Variants in NUP107 observed in about 807,000 individuals in gnomAD.
The protein encoded by NUP107 is nuclear pore complex protein Nup107.
A neutral mutation model predicts 141.0 loss-of-function variants in NUP107; 101 were observed. That is an observed-to-expected ratio of 0.72 (90% CI 0.61 to 0.84). The LOEUF is 0.84. Among genes scored for constraint, NUP107 ranks in the 40% least tolerant of loss-of-function variants. The pLI, the probability that NUP107 is intolerant of heterozygous loss-of-function variation, is 0.00. For synonymous variants in NUP107, 319 were observed against 363.9 expected, an observed-to-expected ratio of 0.88 and a Z score of 1.41; for missense variants, 941 against 1,102.7, an observed-to-expected ratio of 0.85 and a Z score of 2.08.
chr12:68,713,920 C>A, intron 11 of NUP107, 112 bp downstream of exon 11: 1 of 726,852 alleles, frequency 1.4e-6, no homozygotes, highest in Non-Finnish European at 2.3e-6. Flanking sequence ...TTTGCACACA[C>A]TAACATTTTA....
chr12:68,732,468 AT>A, intron 22 of NUP107, 168 bp from the exon 23 acceptor site: 1 of 489,770 alleles, frequency 2.0e-6, no homozygotes. Context: ...GAGCTGTTAA[AT>A]ATGAAAATAC....
At chr12:68,742,324 T>C (rs1399055171) in intron 27 of NUP107, 31 bp from the exon 28 acceptor site, 1 of 1,386,396 alleles carries the variant, frequency 7.2e-7, no homozygotes, top group Non-Finnish European at 1.0e-6. Flanking sequence ...TTGTCTTTGT[T>C]CTCATTCTTA....
intron 26 of NUP107, among the ~76,000 whole-genome samples, chr12:68,737,410 C>CA (rs1415648660): frequency 1.3e-5 from 2 of 151,586 alleles, no homozygotes; most frequent in African/African-American, 4.8e-5. Context: ...ACTAAAAATA[C>CA]AAAAAAATTA....
intron 14 of NUP107, 74 bp downstream of exon 14, chr12:68,719,728 A>G: frequency 1.9e-6 from 2 of 1,058,088 alleles, no homozygotes; most frequent in Non-Finnish European, 1.5e-6. Context: ...GGGCTGTGAA[A>G]CATTGAAAGT....
At chr12:68,739,053 C>T (rs1381335097) in intron 26 of NUP107, among the ~76,000 whole-genome samples, 1 of 151,934 alleles carries the variant, frequency 6.6e-6, no homozygotes, top group African/African-American at 2.4e-5. Flanking sequence ...TTCATTGGTT[C>T]CCCTCTGCCT....
chr12:68,735,624 T>A (rs1417759058), intron 26 of NUP107, among the ~76,000 whole-genome samples: 1 of 152,208 alleles, frequency 6.6e-6, no homozygotes, highest in Admixed American at 6.5e-5. Flanking sequence ...TGTATGTCAC[T>A]CCATTTACAG....
intron 8 of NUP107, among the ~76,000 whole-genome samples, chr12:68,703,643 G>A (rs1876442579): frequency 6.6e-6 from 1 of 152,144 alleles, no homozygotes; most frequent in South Asian, 2.1e-4. Context: ...TAAAGATAGG[G>A]TTTCACTGTA....
At chr12:68,704,750 T>C (rs1876497336) in intron 8 of NUP107, among the ~76,000 whole-genome samples, 1 of 152,072 alleles carries the variant, frequency 6.6e-6, no homozygotes, top group East Asian at 1.9e-4. Context: ...CCACCGTGCC[T>C]CGCCCAAAAG....
chr12:68,719,750 G>C, intron 14 of NUP107, 96 bp downstream of exon 14: 1 of 851,762 alleles, frequency 1.2e-6, no homozygotes, highest in South Asian at 1.5e-5. Flanking sequence ...GTGTAAAACT[G>C]GTTTTCAGAG....
chr12:68,731,472 A>G, intron 21 of NUP107, 135 bp from the exon 22 acceptor site: 1 of 624,320 alleles, frequency 1.6e-6, no homozygotes, highest in Non-Finnish European at 2.6e-6. Context: ...TCTTTTATAT[A>G]AATATCTTTC....
At chr12:68,700,504 G>A (rs990550959) in intron 6 of NUP107, among the ~76,000 whole-genome samples, 2 of 152,072 alleles carry the variant, frequency 1.3e-5, no homozygotes, top group Non-Finnish European at 2.9e-5. Flanking sequence ...GAGTATGTTA[G>A]ACTTATATAT....
intron 11 of NUP107, 93 bp downstream of exon 11, chr12:68,713,901 T>C (rs897612581): frequency 2.8e-5 from 27 of 956,132 alleles, no homozygotes; most frequent in Admixed American, 2.8e-4. Context: ...TGTTTTGCTC[T>C]TCTAAAGGTT....
chr12:68,705,559 C>A, intron 8 of NUP107: 1 of 256,708 alleles, frequency 3.9e-6, no homozygotes. Flanking sequence ...AAAAGAATCA[C>A]CAAGAAGCAG....
intron 24 of NUP107, 21 bp downstream of exon 24, chr12:68,733,633 A>G: frequency 1.9e-6 from 3 of 1,590,978 alleles, no homozygotes; most frequent in Non-Finnish European, 1.7e-6. Context: ...AAAGAAAGCC[A>G]CAGATGTGCC....
In NUP107 at chr12:68,715,690, A is replaced by C. The variant is rs2136025491; in HGVS notation, c.1033A>C (p.Arg345=). The C allele has an allele frequency of 6.2e-7, 1 of 1,613,236 alleles. No individual in the cohort carries two copies. Among genetic ancestry groups the C allele is most frequent in the South Asian group, 1.1e-5 (1 of 91,064 alleles). ...TGATCTGGATAGAGAAGATGAAGTTAGATTACTCAAATATCTCTTTACTCT... is the reference window on the plus strand; with the variant it reads ...TGATCTGGATAGAGAAGATGAAGTTCGATTACTCAAATATCTCTTTACTCT... ...LDDLDREDEV[R]LLKYLFTLIR... Residue 345 remains arginine, a synonymous_variant, in exon 12 of 28, where the codon AGA becomes CGA. Coordinates refer to ENST00000229179, the MANE Select transcript of NUP107 (RefSeq NM_020401.4).
intron 25 of NUP107, 42 bp from the exon 26 acceptor site, chr12:68,735,189 G>A: frequency 8.1e-7 from 1 of 1,230,072 alleles, no homozygotes; most frequent in Non-Finnish European, 1.2e-6. Flanking sequence ...ATTATTTATT[G>A]GGTTTTATCC....
rs1555178675 is a variant in NUP107 at position 68,725,842 on chromosome 12, T to TTTTG, written c.1576+49_1576+50insGTTT. ...ACTTTGTGTTTTTTGTGTGTGTTTT[T>TTTTG]TTTTTTTTTTTTGAGACAAAGTCTC... On this transcript the variant is annotated intron_variant, in intron 18 of 27. Coordinates refer to ENST00000229179, the MANE Select transcript of NUP107 (RefSeq NM_020401.4). 118 of 1,055,442 alleles carry TTTTG rather than the reference T, an allele frequency of 1.1e-4. No individual in the cohort carries two copies. The African/African-American group carries it at 1.5e-3, about 13-fold the overall frequency. 65.4% of individuals were successfully genotyped at this position (1,055,442 alleles called of 1,614,324 possible). A position where few individuals can be genotyped will look rare whatever the true frequency, so the allele number is the denominator to read the frequency against.
At chr12:68,741,083 A>G (rs1357323242) in intron 26 of NUP107, among the ~76,000 whole-genome samples, 1 of 152,064 alleles carries the variant, frequency 6.6e-6, no homozygotes, top group Admixed American at 6.6e-5. Context: ...AAAGAAAAAA[A>G]AAAGAAATTA....
At chr12:68,725,206 C>G (rs1259634599) in intron 17 of NUP107, among the ~76,000 whole-genome samples, 1 of 151,772 alleles carries the variant, frequency 6.6e-6, no homozygotes, top group East Asian at 1.9e-4. Flanking sequence ...AAAAAATGAA[C>G]TATATTCTTC....
Sources: allele counts gnomAD v4.1 joint callset (sites outside exome capture counted in the v4.1 genomes callset), GRCh38; gene constraint gnomAD v4.1.1; transcripts MANE v1.5; gene names NCBI Gene and HGNC (gene_info 2026-07-23, HGNC 2026-07-21).